The following AK5 variants were observed in gnomAD, a reference collection of about 807,000 sequenced individuals.
AK5 encodes adenylate kinase isoenzyme 5.
AK5 carries 27 observed loss-of-function variants against 69.5 expected under a neutral mutation model. The observed-to-expected ratio is 0.39, with a 90% CI of 0.29 to 0.54. The LOEUF is 0.54. Among genes scored for constraint, AK5 ranks in the 20% least tolerant of loss-of-function variants. The probability of loss-of-function intolerance (pLI) is 0.71; values close to 1 mark genes in which losing one functional copy is unlikely to be tolerated. For missense variants in AK5, 531 were observed against 700.4 expected, an observed-to-expected ratio of 0.76 and a Z score of 2.73; for synonymous variants, 260 against 244.4, an observed-to-expected ratio of 1.06 and a Z score of -0.60.
intron 8 of AK5, among the ~76,000 whole-genome samples, chr1:77,431,456 T>C (rs1422662078): frequency 6.6e-6 from 1 of 152,154 alleles, no homozygotes; most frequent in African/African-American, 2.4e-5. Context: ...TGATGGAATT[T>C]TAGCAAATAT....
At chr1:77,498,124 A>G (rs1301328266) in intron 10 of AK5, among the ~76,000 whole-genome samples, 3 of 152,154 alleles carry the variant, frequency 2.0e-5, no homozygotes, top group African/African-American at 7.2e-5. Flanking sequence ...CAGGGAGGAA[A>G]GGGGGATATC....
At chr1:77,432,701 C>T (rs1242199432) in intron 8 of AK5, among the ~76,000 whole-genome samples, 2 of 152,064 alleles carry the variant, frequency 1.3e-5, no homozygotes, top group Non-Finnish European at 2.9e-5. Flanking sequence ...TCAACTTCCC[C>T]AGAGGAATTT....
chr1:77,323,146 G>A (rs527807456), intron 5 of AK5, among the ~76,000 whole-genome samples: 10 of 151,882 alleles, frequency 6.6e-5, no homozygotes, highest in Non-Finnish European at 1.2e-4. Flanking sequence ...GCACCACCAC[G>A]CCCGGCTAAT....
intron 8 of AK5, among the ~76,000 whole-genome samples, chr1:77,450,741 A>G (rs889506631): frequency 4.6e-5 from 7 of 152,184 alleles, no homozygotes; most frequent in African/African-American, 1.7e-4. Flanking sequence ...TAATTTCTTC[A>G]CGGGTTTGTA....
intron 13 of AK5, among the ~76,000 whole-genome samples, chr1:77,538,269 G>A (rs1462668200): frequency 2.0e-5 from 3 of 151,334 alleles, no homozygotes; most frequent in African/African-American, 7.3e-5. Flanking sequence ...AGCCTGGGAG[G>A]TCAAGGCTGC....
chr1:77,492,685 G>C (rs1656069533), intron 10 of AK5, among the ~76,000 whole-genome samples: 2 of 151,320 alleles, frequency 1.3e-5, no homozygotes, highest in Admixed American at 1.3e-4. Flanking sequence ...CTGGGCTCCT[G>C]TAGGCCTGGA....
intron 1 of AK5, among the ~76,000 whole-genome samples, chr1:77,284,804 T>A (rs1011487167): frequency 6.6e-6 from 1 of 152,188 alleles, no homozygotes; most frequent in Non-Finnish European, 1.5e-5. Flanking sequence ...AAGAAAAGAT[T>A]TGAATTATCC....
At chr1:77,501,131 A>G (rs1327218890) in intron 10 of AK5, among the ~76,000 whole-genome samples, 3 of 152,210 alleles carry the variant, frequency 2.0e-5, no homozygotes, top group Non-Finnish European at 4.4e-5. Context: ...CTGAGGAGAG[A>G]GGGATTGCAA....
intron 5 of AK5, among the ~76,000 whole-genome samples, chr1:77,308,066 T>C (rs1659741423): frequency 6.6e-6 from 1 of 152,094 alleles, no homozygotes; most frequent in African/African-American, 2.4e-5. Context: ...AGAATTTAAG[T>C]CACATGGCTT....
At chr1:77,485,317 C>T (rs1655520812) in intron 9 of AK5, among the ~76,000 whole-genome samples, 1 of 152,224 alleles carries the variant, frequency 6.6e-6, no homozygotes, top group African/African-American at 2.4e-5. Flanking sequence ...CAACCCAATT[C>T]ATCATGCCCC....
chr1:77,339,781 G>C (rs1162573073), intron 5 of AK5, among the ~76,000 whole-genome samples: 1 of 151,744 alleles, frequency 6.6e-6, no homozygotes, highest in Non-Finnish European at 1.5e-5. Context: ...GAGTAGCTGG[G>C]ATTACAGGTG....
chr1:77,480,119 AGTGTGTGTGT>A (rs10618389), intron 8 of AK5, among the ~76,000 whole-genome samples: 1,851 of 149,588 alleles, frequency 0.012, 34 homozygotes, highest in East Asian at 0.081. Context: ...ATTCACCCCG[AGTGTGTGTGT>A]GTGTGTGTGT....
intron 5 of AK5, chr1:77,313,749 T>C (rs542777406): frequency 2.0e-6 from 1 of 502,188 alleles, no homozygotes; most frequent in Non-Finnish European, 4.1e-6. Context: ...TGGCAGCTGC[T>C]GCCGTGATTC....
At chr1:77,349,345 C>G (rs1662077569) in intron 6 of AK5, 1 of 152,134 alleles carries the variant, frequency 6.6e-6, no homozygotes, top group South Asian at 2.1e-4. Context: ...CTCATTATTT[C>G]TCACCTAATC....
At chr1:77,531,549 A>G (rs1658589603) in intron 12 of AK5, among the ~76,000 whole-genome samples, 1 of 152,140 alleles carries the variant, frequency 6.6e-6, no homozygotes, top group Non-Finnish European at 1.5e-5. Flanking sequence ...TGATTGGTGC[A>G]TTCACAAACC....
At chr1:77,340,283 A>G (rs779512518) in intron 5 of AK5, 94 bp from the exon 6 acceptor site, 3 of 1,250,608 alleles carry the variant, frequency 2.4e-6, no homozygotes, top group Non-Finnish European at 3.4e-6. Flanking sequence ...AATATATGGC[A>G]GCCTCCACAG....
intron 7 of AK5, among the ~76,000 whole-genome samples, chr1:77,413,568 C>A (rs1650189619): frequency 6.6e-6 from 1 of 152,172 alleles, no homozygotes; most frequent in African/African-American, 2.4e-5. Context: ...CTGGCTGCGT[C>A]ACTCAACTGC....
In AK5 at chr1:77,293,948, A is replaced by G. The variant is rs2100654914; in HGVS notation, c.403A>G (p.Ile135Val). ...TCCTACCAGACCTCGACCAAAAATCATTCTTGTTATAGGTATGAGGACAGA... is the reference window on the plus strand; with the variant it reads ...TCCTACCAGACCTCGACCAAAAATCGTTCTTGTTATAGGTATGAGGACAGA... ...FDPTRPRPKI[I>V]LVIGGPGSGK... Residue 135 changes from isoleucine (I) to valine (V), a missense_variant, in exon 3 of 14, where the codon ATT (isoleucine) becomes GTT (valine). Transcript: ENST00000354567. 6.2e-7 allele frequency: 1 copy of G among 1,611,656 alleles called. No individual in the cohort carries two copies.
intron 8 of AK5, among the ~76,000 whole-genome samples, chr1:77,418,455 A>G (rs920469487): frequency 1.3e-5 from 2 of 152,176 alleles, no homozygotes; most frequent in African/African-American, 4.8e-5. Context: ...CCATATCACT[A>G]GTCTGTGGAA....
Sources: gnomAD v4.1 joint callset for allele counts (sites outside exome capture counted in the v4.1 genomes callset) on GRCh38, gnomAD v4.1.1 for gene constraint, MANE v1.5 for transcripts, NCBI Gene and HGNC (gene_info 2026-07-23, HGNC 2026-07-21) for gene names.